Variants in BRI3BP observed in about 807,000 individuals in gnomAD.
BRI3BP encodes BRI3 binding protein, also known as BRI3-binding protein.
A neutral mutation model predicts 15.8 loss-of-function variants in BRI3BP; 7 were observed. That is an observed-to-expected ratio of 0.44 (90% CI 0.25 to 0.83). The LOEUF (loss-of-function observed/expected upper bound fraction) is 0.83. Ranked by LOEUF, BRI3BP falls within the 40% of genes least tolerant of loss-of-function variation. The pLI is 0.20. For synonymous variants in BRI3BP, 192 were observed against 163.5 expected (o/e 1.17, Z -1.33); for missense variants, 320 against 339.3 (o/e 0.94, Z 0.45).
chr12:125,030,398 T>C lies in BRI3BP; in HGVS notation c.*4968T>C, dbSNP rs1421699449. 4 of 152,240 alleles carry C rather than the reference T, an allele frequency of 2.6e-5. No homozygotes were observed. The highest frequency in any genetic ancestry group is 5.9e-5 in the Non-Finnish European group (4 of 68,040). 9.4% of individuals were successfully genotyped at this position (152,240 alleles called of 1,614,324 possible). A position where few individuals can be genotyped will look rare whatever the true frequency, so the allele number is the denominator to read the frequency against. ...ACTCCTCACTTGTGAATAATAGGAATATATTTTGCAGAATCTAACATAATA... is the reference window on the plus strand; with the variant it reads ...ACTCCTCACTTGTGAATAATAGGAACATATTTTGCAGAATCTAACATAATA... On this transcript the variant is annotated 3_prime_UTR_variant, in exon 3 of 3. Coordinates refer to ENST00000341446, the MANE Select transcript of BRI3BP (RefSeq NM_080626.6).
At chr12:125,018,607 C>T (rs958835962) in intron 2 of BRI3BP, among the ~76,000 whole-genome samples, 1 of 152,096 alleles carries the variant, frequency 6.6e-6, no homozygotes, top group Non-Finnish European at 1.5e-5. Flanking sequence ...CTGGAGCCAG[C>T]CCTGCTGACA....
chr12:125,022,541 A>ATTTATTTATTTATTTATTTATTTATTTT lies in BRI3BP; in HGVS notation c.317-2447_317-2446insATTTATTTATTTATTTATTTATTTTTTT. 4.9e-4 allele frequency among the ~76,000 whole-genome samples: 68 copies of ATTTATTTATTTATTTATTTATTTATTTT among 139,396 alleles called. 1 individual carries two copies. Among genetic ancestry groups the ATTTATTTATTTATTTATTTATTTATTTT allele is most frequent in the African/African-American group, 1.8e-3 (62 of 34,470 alleles). The allele number at this position is 139,396 out of a possible 152,430, so 91.4% of individuals were successfully genotyped here. On this transcript the variant is annotated intron_variant, in intron 2 of 2. Transcript: ENST00000341446. ...TTATTATTTATTTATTTATTTATTT[A>ATTTATTTATTTATTTATTTATTTATTTT]TTTTTTGAGACAGAGCCTCACTGTG...
intron 1 of BRI3BP, among the ~76,000 whole-genome samples, chr12:125,010,508 G>A (rs1427082902): frequency 6.6e-6 from 1 of 152,226 alleles, no homozygotes; most frequent in African/African-American, 2.4e-5. Context: ...GCCAGGCATG[G>A]TGGCTCATGC....
chr12:125,037,943 T>C, the BRI3BP span, among the ~76,000 whole-genome samples: 1 of 152,216 alleles, frequency 6.6e-6, no homozygotes, highest in East Asian at 1.9e-4. Flanking sequence ...AGTGCTGGTT[T>C]CTAGGCTTCT....
At chr12:125,002,384 A>T (rs1176450600) in intron 1 of BRI3BP, among the ~76,000 whole-genome samples, 1 of 150,880 alleles carries the variant, frequency 6.6e-6, no homozygotes, top group Admixed American at 6.6e-5. Context: ...TACCTTTTTA[A>T]TTCTAGCCAT....
chr12:125,025,421 G>C lies in BRI3BP; in HGVS notation c.747G>C (p.Lys249Asn), dbSNP rs764905004. 13 of 1,589,976 alleles carry C rather than the reference G, an allele frequency of 8.2e-6. No homozygotes were observed. The South Asian group carries it at 1.4e-4, about 18-fold the overall frequency. ...TGCTCGAGAGCCTGGACCGCTCCAAGGACAAGTGAAGGTCAGCCGGCCGGG... is the reference window on the plus strand; with the variant it reads ...TGCTCGAGAGCCTGGACCGCTCCAACGACAAGTGAAGGTCAGCCGGCCGGG... ...NRVLESLDRS[K>N]DK The change falls in exon 3 of 3, where the codon AAG (lysine) becomes AAC (asparagine). Residue 249 changes from lysine to asparagine, a missense_variant. Coordinates refer to ENST00000341446, the MANE Select transcript of BRI3BP (RefSeq NM_080626.6).
chr12:125,012,626 T>C lies in BRI3BP; in HGVS notation c.306T>C (p.Leu102=), dbSNP rs1565904491. The change falls in exon 2 of 3, where the codon CTT becomes CTC. Residue 102 remains leucine, a synonymous_variant. Coordinates refer to ENST00000341446, the MANE Select transcript of BRI3BP (RefSeq NM_080626.6). ...WKVWTELLDV[L]GLDVSNLSQY... is the part of the protein sequence containing the mutation. ...TCTGGACCGAGCTCTTGGATGTTCT[T>C]GGACTTGACGGTAGGTGTAGGGGTG... is the stretch of plus-strand genomic sequence containing the variant. The C allele has an allele frequency of 1.2e-6, 2 of 1,604,226 alleles. No individual in the cohort carries two copies. Among genetic ancestry groups the C allele is most frequent in the East Asian group, 4.5e-5 (2 of 44,818 alleles).
intron 1 of BRI3BP, among the ~76,000 whole-genome samples, chr12:125,009,714 G>T (rs759574338): frequency 1.3e-5 from 2 of 152,148 alleles, no homozygotes; most frequent in Non-Finnish European, 2.9e-5. Flanking sequence ...TGGGATTATA[G>T]GTGTGAGCCA....
chr12:125,039,310 T>C, the BRI3BP span, among the ~76,000 whole-genome samples: 50 of 151,668 alleles, frequency 3.3e-4, no homozygotes, highest in Middle Eastern at 6.8e-3. Flanking sequence ...CTTTTAATAG[T>C]TTTTTTTCAA....
intron 1 of BRI3BP, among the ~76,000 whole-genome samples, chr12:125,007,955 C>T (rs934908438): frequency 1.3e-5 from 2 of 152,062 alleles, no homozygotes; most frequent in African/African-American, 4.8e-5. Context: ...GTGCAACTGC[C>T]TCTCTCAGTC....
At chr12:125,003,958 C>A (rs1427514047) in intron 1 of BRI3BP, among the ~76,000 whole-genome samples, 9 of 8,140 alleles carry the variant, frequency 1.1e-3, no homozygotes, top group Admixed American at 3.6e-3. Context: ...ATCTCAAAAA[C>A]ACACACACAC....
At chr12:125,049,703 A>G in the BRI3BP span, among the ~76,000 whole-genome samples, 1 of 152,190 alleles carries the variant, frequency 6.6e-6, no homozygotes, top group Admixed American at 6.5e-5. Context: ...GCGGCCTATG[A>G]ACCGGAACGC....
At chr12:125,017,042 G>A (rs1188780467) in intron 2 of BRI3BP, among the ~76,000 whole-genome samples, 5 of 147,758 alleles carry the variant, frequency 3.4e-5, no homozygotes, top group South Asian at 2.1e-4. Context: ...TTCTGAGACC[G>A]AGTATTGCTC....
At position 125,012,582 on chromosome 12, in the gene BRI3BP, G is replaced by A. The variant is rs139448345; in HGVS notation, c.262G>A (p.Val88Met). The A allele has an allele frequency of 1.5e-4, 240 of 1,613,326 alleles. No individual in the cohort carries two copies. The highest frequency in any genetic ancestry group is 1.2e-3 in the Admixed American group (73 of 59,982). ...ATTTGTGCTGGGAGTGGATATGTTC[G>A]TGGAGACACTGTGGAAAGTCTGGAC... The part of the protein sequence containing the change: ...ERFVLGVDMF[V>M]ETLWKVWTEL... The change falls in exon 2 of 3, where the codon GTG becomes ATG. Residue 88 changes from valine (V) to methionine (M), a missense_variant. Val to Met is a conservative substitution (Grantham distance 21). Transcript: ENST00000341446.
At position 125,028,844 on chromosome 12, in the gene BRI3BP, T is replaced by A. The variant is rs982043648; in HGVS notation, c.*3414T>A. 1.3e-5 allele frequency: 2 copies of A among 152,210 alleles called. No homozygotes were observed. The highest frequency in any genetic ancestry group is 4.8e-5 in the African/African-American group (2 of 41,442). The allele number at this position is 152,210 out of a possible 1,614,324, so 9.4% of individuals were successfully genotyped here. A position where few individuals can be genotyped will look rare whatever the true frequency, so the allele number is the denominator to read the frequency against. On this transcript the variant is annotated 3_prime_UTR_variant, in exon 3 of 3. Transcript: ENST00000341446. ...CACCCGCCACATGTCTTTGTTTTTTTCTCTCTTTTGTATGTGGAAAAATGT... is the reference window on the plus strand; with the variant it reads ...CACCCGCCACATGTCTTTGTTTTTTACTCTCTTTTGTATGTGGAAAAATGT...
chr12:124,997,250 T>G (rs1449347309), intron 1 of BRI3BP, among the ~76,000 whole-genome samples: 2 of 125,914 alleles, frequency 1.6e-5, no homozygotes, highest in East Asian at 5.9e-4. Context: ...CAGTCTCGCT[T>G]CTTCTCCCAG....
chr12:125,041,941 G>T, the BRI3BP span, among the ~76,000 whole-genome samples: 2 of 152,170 alleles, frequency 1.3e-5, no homozygotes, highest in South Asian at 4.1e-4. Flanking sequence ...CGATCCTCCT[G>T]CCTTGACCTC....
At chr12:125,019,672 G>T (rs1344517458) in intron 2 of BRI3BP, among the ~76,000 whole-genome samples, 8 of 76,238 alleles carry the variant, frequency 1.0e-4, no homozygotes, top group African/African-American at 4.3e-4. Context: ...TTTTTGCTGT[G>T]AGTACTTGAA....
chr12:125,039,947 C>T, the BRI3BP span, among the ~76,000 whole-genome samples: 439 of 152,282 alleles, frequency 2.9e-3, 5 homozygotes, highest in African/African-American at 9.9e-3. Flanking sequence ...TTCTCTTTAG[C>T]TACATATCAG....
Sources: allele counts gnomAD v4.1 joint callset (sites outside exome capture counted in the v4.1 genomes callset), GRCh38; gene constraint gnomAD v4.1.1; transcripts MANE v1.5; gene names NCBI Gene and HGNC (gene_info 2026-07-23, HGNC 2026-07-21).